Variants in OR3A2 observed in about 807,000 individuals in gnomAD.
The protein encoded by OR3A2 is olfactory receptor 3A2.
For synonymous variants in OR3A2, 126 were observed against 159.3 expected, an observed-to-expected ratio of 0.79 and a Z score of 1.57; for missense variants, 318 against 392.8, an observed-to-expected ratio of 0.81 and a Z score of 1.61.
At chr17:3,319,065 T>C (rs1032774414) in intron 3 of OR3A2, among the ~76,000 whole-genome samples, 1 of 152,162 alleles carries the variant, frequency 6.6e-6, no homozygotes, top group African/African-American at 2.4e-5. Context: ...ACACACCAAA[T>C]CATGGTGTAC....
At chr17:3,285,703 G>T (rs989901027), upstream of OR3A2, among the ~76,000 whole-genome samples, 2 of 152,138 alleles carry the variant, frequency 1.3e-5, no homozygotes, top group Non-Finnish European at 2.9e-5. Flanking sequence ...TGAAAGGATC[G>T]CTTGAGCCCA....
At chr17:3,290,312 T>C (rs1315470176) in intron 3 of OR3A2, among the ~76,000 whole-genome samples, 1 of 152,184 alleles carries the variant, frequency 6.6e-6, no homozygotes, top group Non-Finnish European at 1.5e-5. Context: ...AGGCATCTTA[T>C]CCAATTCCTC....
chr17:3,339,217 G>A (rs541063944), intron 2 of OR3A2, among the ~76,000 whole-genome samples: 1 of 152,266 alleles, frequency 6.6e-6, no homozygotes, highest in Admixed American at 6.5e-5. Context: ...CTGCAAACAG[G>A]AAGACTTTTA....
intron 1 of OR3A2, chr17:3,384,026 A>G (rs963907508): frequency 1.4e-4 from 18 of 127,536 alleles, no homozygotes; most frequent in African/African-American, 5.7e-4. Flanking sequence ...GTATACAAAT[A>G]TTTATTGAAT....
At chr17:3,338,651 C>T (rs2049291470) in intron 2 of OR3A2, among the ~76,000 whole-genome samples, 1 of 152,114 alleles carries the variant, frequency 6.6e-6, no homozygotes, top group African/African-American at 2.4e-5. Flanking sequence ...GGTACCAGTA[C>T]CATGCTGTTT....
Position 3,359,839 on chromosome 17 carries a change from G to A in OR3A2, c.-178-23713C>T, listed in dbSNP as rs186632763. The stretch of plus-strand genomic sequence containing the variant: ...CTATCATTGTTGGACATTTGGGTTG[G>A]TTCAAAGTCTTTGCTATTGTGAGTA... On this transcript the variant is annotated intron_variant, in intron 2 of 4. Transcript: ENST00000573491. Among the ~76,000 whole-genome samples, 79 of 151,876 alleles carry A rather than the reference G, an allele frequency of 5.2e-4. 4 individuals carry two copies. The highest frequency in any genetic ancestry group is 1.9e-3 in the African/African-American group (77 of 41,162).
chr17:3,321,182 T>G (rs915505776), intron 3 of OR3A2, among the ~76,000 whole-genome samples: 4 of 151,374 alleles, frequency 2.6e-5, no homozygotes, highest in South Asian at 2.1e-4. Context: ...TCTCTGTTTG[T>G]CTGTTGTTGG....
chr17:3,346,489 C>T (rs1188180927), intron 2 of OR3A2, among the ~76,000 whole-genome samples: 1 of 152,154 alleles, frequency 6.6e-6, no homozygotes, highest in East Asian at 1.9e-4. Context: ...AGCCTATCAG[C>T]CGCCTTGCCA....
chr17:3,353,628 T>C (rs1176035795), intron 2 of OR3A2, among the ~76,000 whole-genome samples: 1 of 151,968 alleles, frequency 6.6e-6, no homozygotes, highest in Non-Finnish European at 1.5e-5. Context: ...ACTGTTCATA[T>C]GGCATTCTGT....
intron 1 of OR3A2, among the ~76,000 whole-genome samples, chr17:3,384,353 C>G (rs562950340): frequency 6.6e-6 from 1 of 152,306 alleles, no homozygotes; most frequent in African/African-American, 2.4e-5. Flanking sequence ...GCACTGAGGA[C>G]AGAGCAAGGA....
At chr17:3,375,230 C>T (rs367864973) in intron 2 of OR3A2, among the ~76,000 whole-genome samples, 179 of 9,330 alleles carry the variant, frequency 0.019, 1 homozygote, top group South Asian at 0.038. Context: ...TTTTTTTTTT[C>T]TTTTTTTTTT....
At chr17:3,277,883 T>A (rs2048749502) in exon 2 of OR3A2, 4 of 1,398,028 alleles carry the variant, frequency 2.9e-6, no homozygotes, top group Non-Finnish European at 3.9e-6. Flanking sequence ...GGAAAAATAG[T>A]TGTGGCTGAA....
chr17:3,338,460 G>A (rs1423873224), intron 2 of OR3A2, among the ~76,000 whole-genome samples: 1 of 152,136 alleles, frequency 6.6e-6, no homozygotes, highest in Non-Finnish European at 1.5e-5. Context: ...AAAGTGTAAG[G>A]AAGGGATCCA....
intron 2 of OR3A2, among the ~76,000 whole-genome samples, chr17:3,378,032 A>C (rs1467844384): frequency 6.6e-6 from 1 of 152,236 alleles, no homozygotes; most frequent in Non-Finnish European, 1.5e-5. Context: ...CTGAATGGTC[A>C]TCAATGAGGT....
intron 2 of OR3A2, among the ~76,000 whole-genome samples, chr17:3,369,917 C>A (rs1195017214): frequency 1.3e-5 from 2 of 151,944 alleles, no homozygotes; most frequent in African/African-American, 4.8e-5. Flanking sequence ...TATCCTCCCA[C>A]CTTAGCCTCC....
rs375920774 is a variant in OR3A2 at position 3,342,931 on chromosome 17, G to A, written c.-178-6805C>T. 1.6e-4 allele frequency among the ~76,000 whole-genome samples: 24 copies of A among 152,294 alleles called. No homozygotes were observed. In the South Asian group the frequency reaches 1.7e-3, roughly 11 times the overall value. On this transcript the variant is annotated intron_variant, in intron 2 of 4. Transcript: ENST00000573491. ...GGCGGGCCTCGTTGGCTTCCTGGCC[G>A]CTGTGTTTACCTACTCTAGCCTCAG...
chr17:3,348,016 T>C (rs936679627), intron 2 of OR3A2, among the ~76,000 whole-genome samples: 8 of 152,352 alleles, frequency 5.3e-5, no homozygotes, highest in African/African-American at 1.9e-4. Context: ...CATTTTTTCA[T>C]GTGTTTTTTG....
intron 3 of OR3A2, chr17:3,292,403 G>GAAGAA: frequency 6.2e-7 from 1 of 1,614,044 alleles, no homozygotes; most frequent in Non-Finnish European, 8.5e-7. Flanking sequence ...AGTACATGGG[G>GAAGAA]GTGTGGAGTT....
chr17:3,310,680 G>T, intron 3 of OR3A2: 1 of 544,134 alleles, frequency 1.8e-6, no homozygotes, highest in South Asian at 1.4e-5. Flanking sequence ...CATGGCCTAT[G>T]ACCGCTATCT....
Sources: gnomAD v4.1 joint callset for allele counts (sites outside exome capture counted in the v4.1 genomes callset) on GRCh38, gnomAD v4.1.1 for gene constraint, MANE v1.5 for transcripts, NCBI Gene and HGNC (gene_info 2026-07-23, HGNC 2026-07-21) for gene names.